The following DOCK5 variants were observed in gnomAD, a reference collection of about 807,000 sequenced individuals.
The protein encoded by DOCK5 is dedicator of cytokinesis 5, also known as dedicator of cytokinesis protein 5.
In DOCK5, 142 loss-of-function variants were observed where a neutral mutation model predicts 251.8. The observed-to-expected ratio is 0.56, with a 90% CI of 0.49 to 0.65. DOCK5 has a LOEUF of 0.65. DOCK5 is among the 30% of genes least tolerant of loss of function. The pLI, the probability that DOCK5 is intolerant of heterozygous loss-of-function variation, is 0.00. For synonymous variants in DOCK5, 842 were observed against 835.5 expected, an observed-to-expected ratio of 1.01 and a Z score of -0.13; for missense variants, 2,111 against 2,312.3, an observed-to-expected ratio of 0.91 and a Z score of 1.79.
chr8:25,384,694 A>G (rs1220511370), intron 40 of DOCK5, among the ~76,000 whole-genome samples: 1 of 151,954 alleles, frequency 6.6e-6, no homozygotes, highest in South Asian at 2.1e-4. Flanking sequence ...TCCTGACCTC[A>G]GTTGATCCCC....
chr8:25,345,762 A>G (rs890146191), intron 26 of DOCK5, among the ~76,000 whole-genome samples, 151 bp downstream of exon 26: 1 of 152,156 alleles, frequency 6.6e-6, no homozygotes, highest in African/African-American at 2.4e-5. Context: ...TAGGGAGGCC[A>G]GAGCCTCCAG....
At chr8:25,359,685 G>A (rs1389161603) in intron 28 of DOCK5, among the ~76,000 whole-genome samples, 1 of 152,172 alleles carries the variant, frequency 6.6e-6, no homozygotes, top group Non-Finnish European at 1.5e-5. Flanking sequence ...TCTCACTAAT[G>A]CCTGATGATC....
Position 25,415,185 on chromosome 8 carries a change from GAC to G in DOCK5, c.*3891_*3892del, listed in dbSNP as rs990546488. On this transcript the variant is annotated 3_prime_UTR_variant, in exon 52 of 52. Coordinates refer to ENST00000276440, the MANE Select transcript of DOCK5 (RefSeq NM_024940.8). The stretch of plus-strand genomic sequence containing the variant: ...ATAATCCAGCACACATTGAAATATT[GAC>G]ACAGATTACCATAATTTGTGCAACA... The G allele has an allele frequency of 5.3e-5, 8 of 151,988 alleles. No individual in the cohort carries two copies. Among genetic ancestry groups the G allele is most frequent in the African/African-American group, 1.7e-4 (7 of 41,374 alleles). 9.4% of individuals were successfully genotyped at this position (151,988 alleles called of 1,614,324 possible).
At chr8:25,262,081 A>T (rs1394244278) in intron 2 of DOCK5, among the ~76,000 whole-genome samples, 1 of 152,228 alleles carries the variant, frequency 6.6e-6, no homozygotes, top group East Asian at 1.9e-4. Flanking sequence ...AAAATAAAGC[A>T]TTCACAAACA....
chr8:25,307,311 G>T (rs768291393), intron 11 of DOCK5, among the ~76,000 whole-genome samples: 2 of 151,940 alleles, frequency 1.3e-5, no homozygotes, highest in Non-Finnish European at 2.9e-5. Flanking sequence ...TAGAGACGGG[G>T]TTTCACCATG....
intron 37 of DOCK5, among the ~76,000 whole-genome samples, chr8:25,377,072 C>T (rs183372240): frequency 2.6e-4 from 39 of 152,268 alleles, no homozygotes; most frequent in Non-Finnish European, 4.9e-4. Context: ...TGTCAGTTAG[C>T]GACCTTGCTT....
rs200705327 is a variant in DOCK5, at chr8:25,380,290, T to C, written c.3937-15T>C. 6.2e-7 allele frequency: 1 copy of C among 1,602,316 alleles called. No homozygotes were observed. Among genetic ancestry groups the C allele is most frequent in the Admixed American group, 1.7e-5 (1 of 58,344 alleles). On this transcript the variant is annotated splice_polypyrimidine_tract_variant and intron_variant, in intron 38 of 51. Transcript: ENST00000276440. ...CTTGTTCTCCACTTTTAACCTTACT[T>C]TCCTTTTTCTGAAGATGTGGGAGAA...
At chr8:25,363,363 G>C (rs1310328836) in intron 29 of DOCK5, among the ~76,000 whole-genome samples, 1 of 152,074 alleles carries the variant, frequency 6.6e-6, no homozygotes, top group Non-Finnish European at 1.5e-5. Flanking sequence ...CTCTAGCGTC[G>C]TCTCTTCAGT....
chr8:25,239,138 C>T (rs1802876566), intron 1 of DOCK5, among the ~76,000 whole-genome samples: 1 of 152,098 alleles, frequency 6.6e-6, no homozygotes, highest in Non-Finnish European at 1.5e-5. Flanking sequence ...AGAAACAAAC[C>T]ATGGACTGAG....
intron 1 of DOCK5, among the ~76,000 whole-genome samples, chr8:25,201,537 T>C (rs991487640): frequency 6.6e-6 from 1 of 152,228 alleles, no homozygotes. Context: ...GATTACTACC[T>C]TTAGTCCTGC....
At chr8:25,323,721 T>G in intron 16 of DOCK5, 127 bp from the exon 17 acceptor site, 7 of 1,019,590 alleles carry the variant, frequency 6.9e-6, no homozygotes, top group Non-Finnish European at 1.0e-5. Context: ...TTATTGCAGT[T>G]TGCTCAGTTG....
At chr8:25,270,902 A>G in intron 3 of DOCK5, 1 of 674,788 alleles carries the variant, frequency 1.5e-6, no homozygotes, top group Non-Finnish European at 2.7e-6. Context: ...TGTACTTTAA[A>G]TCATGTCTAG....
intron 30 of DOCK5, among the ~76,000 whole-genome samples, chr8:25,366,636 C>A (rs954920515): frequency 3.3e-5 from 5 of 152,206 alleles, no homozygotes; most frequent in Non-Finnish European, 7.4e-5. Flanking sequence ...CAGCAGTTTT[C>A]CTTTATCCCA....
intron 13 of DOCK5, among the ~76,000 whole-genome samples, chr8:25,313,719 G>C (rs546929335): frequency 6.6e-6 from 1 of 152,258 alleles, no homozygotes; most frequent in Non-Finnish European, 1.5e-5. Context: ...CTTGCAGATG[G>C]CCATCTTCTC....
intron 37 of DOCK5, chr8:25,375,030 C>T: frequency 9.5e-7 from 1 of 1,054,588 alleles, no homozygotes; most frequent in Non-Finnish European, 1.2e-6. Context: ...TATTCTCTCC[C>T]TAAATAAATG....
intron 1 of DOCK5, among the ~76,000 whole-genome samples, chr8:25,226,324 A>G (rs1364888232): frequency 1.5e-5 from 2 of 130,934 alleles, no homozygotes; most frequent in South Asian, 2.3e-4. Context: ...TGCAGGTGGC[A>G]TGATCTTGGC....
chr8:25,333,452 G>A (rs1805730342), intron 20 of DOCK5, among the ~76,000 whole-genome samples: 1 of 152,178 alleles, frequency 6.6e-6, no homozygotes, highest in South Asian at 2.1e-4. Flanking sequence ...GTTGGACTTG[G>A]GTTTATGGGA....
chr8:25,405,236 G>T (rs1375788752), intron 48 of DOCK5, among the ~76,000 whole-genome samples: 2 of 150,248 alleles, frequency 1.3e-5, no homozygotes, highest in Non-Finnish European at 1.5e-5. Context: ...ACAATTAAAG[G>T]CCTTTCCCAC....
intron 22 of DOCK5, among the ~76,000 whole-genome samples, chr8:25,336,692 G>T (rs966581285): frequency 1.3e-5 from 2 of 152,172 alleles, no homozygotes; most frequent in Non-Finnish European, 2.9e-5. Context: ...ATCATGATCT[G>T]CTGTCGCTAG....
Sources: gnomAD v4.1 joint callset for allele counts (sites outside exome capture counted in the v4.1 genomes callset) on GRCh38, gnomAD v4.1.1 for gene constraint, MANE v1.5 for transcripts, NCBI Gene and HGNC (gene_info 2026-07-23, HGNC 2026-07-21) for gene names.